The following ADARB1 variants were observed in gnomAD, a reference collection of about 807,000 sequenced individuals.
ADARB1 encodes the protein adenosine deaminase RNA specific B1.
Under a neutral mutation model 52.4 loss-of-function variants are expected in ADARB1, and 10 were observed. That is an observed-to-expected ratio of 0.19 (90% confidence interval 0.12 to 0.32). The LOEUF is 0.32. ADARB1 is among the 10% of genes least tolerant of loss of function. The pLI is 1.00. For missense variants in ADARB1, 643 were observed against 922.3 expected, an observed-to-expected ratio of 0.70 and a Z score of 3.92; for synonymous variants, 349 against 371.1, an observed-to-expected ratio of 0.94 and a Z score of 0.68.
At chr21:45,122,642 CG>C in intron 1 of ADARB1, among the ~76,000 whole-genome samples, 1 of 152,282 alleles carries the variant, frequency 6.6e-6, no homozygotes, top group Admixed American at 6.5e-5. Context: ...AGGTGGGAGA[CG>C]TGCAGAGCTG....
chr21:45,163,841 TC>T (rs2091109327), intron 2 of ADARB1, among the ~76,000 whole-genome samples: 1 of 152,134 alleles, frequency 6.6e-6, no homozygotes, highest in South Asian at 2.1e-4. Flanking sequence ...GCCACGCTTG[TC>T]CCCATGCTTG....
intron 2 of ADARB1, among the ~76,000 whole-genome samples, chr21:45,144,207 G>T (rs2089894530): frequency 6.6e-6 from 1 of 152,250 alleles, no homozygotes; most frequent in Admixed American, 6.5e-5. Context: ...AGAGATTTTA[G>T]AATTCTAATA....
rs150086145 is a variant in ADARB1 at position 45,116,847 on chromosome 21, C to A, written c.-219-11555C>A. ...CAGCACGTGGGGATTATGGGAACTA[C>A]AATTGAAGATGAGATTTGAGTGGGG... On this transcript the variant is annotated intron_variant, in intron 1 of 10. Transcript: ENST00000348831. 3.9e-5 allele frequency: 6 copies of A among 152,268 alleles called. No homozygotes were observed. In the East Asian group the frequency reaches 1.2e-3, roughly 29 times the overall value. 9.4% of individuals were successfully genotyped at this position (152,268 alleles called of 1,614,324 possible). A position where few individuals can be genotyped will look rare whatever the true frequency, so the allele number is the denominator to read the frequency against.
chr21:45,209,116 A>G (rs531841058), intron 9 of ADARB1, among the ~76,000 whole-genome samples: 2 of 152,332 alleles, frequency 1.3e-5, no homozygotes, highest in East Asian at 3.9e-4. Flanking sequence ...TAATATTTGT[A>G]AAGATCCAAA....
At chr21:45,109,272 G>A (rs1010461934) in intron 1 of ADARB1, among the ~76,000 whole-genome samples, 14 of 149,632 alleles carry the variant, frequency 9.4e-5, no homozygotes, top group African/African-American at 2.2e-4. Context: ...TGTGCACTGC[G>A]CGCGTGTGCG....
At chr21:45,121,852 T>C (rs2088210900) in intron 1 of ADARB1, among the ~76,000 whole-genome samples, 1 of 152,230 alleles carries the variant, frequency 6.6e-6, no homozygotes, top group Non-Finnish European at 1.5e-5. Flanking sequence ...GTATATGGTG[T>C]GTTTGACTTT....
At chr21:45,214,632 G>C (rs577423801) in intron 9 of ADARB1, among the ~76,000 whole-genome samples, 4 of 152,146 alleles carry the variant, frequency 2.6e-5, no homozygotes, top group Non-Finnish European at 5.9e-5. Flanking sequence ...TTAGTGAAAG[G>C]TTCCTCATTT....
chr21:45,163,101 T>C (rs453176), intron 2 of ADARB1, among the ~76,000 whole-genome samples: 147,439 of 152,360 alleles, frequency 0.97, 71,370 homozygotes, highest in East Asian at 1. Flanking sequence ...TAGAAGAGGA[T>C]GCTAATAGCT....
At chr21:45,202,593 C>G (rs2092578725) in intron 8 of ADARB1, among the ~76,000 whole-genome samples, 1 of 152,162 alleles carries the variant, frequency 6.6e-6, no homozygotes, top group African/African-American at 2.4e-5. Context: ...GCGTCAGCCT[C>G]CTCCAGTCTC....
intron 2 of ADARB1, among the ~76,000 whole-genome samples, chr21:45,134,406 G>A (rs1328895996): frequency 6.6e-6 from 1 of 150,794 alleles, no homozygotes; most frequent in Non-Finnish European, 1.5e-5. Flanking sequence ...GTGTGTGCCC[G>A]ACAGTGGTGT....
rs751320353 is a variant in ADARB1 at position 45,220,909 on chromosome 21, C to G, written c.1821C>G (p.Ser607=). Reference sequence around the variant, plus strand: ...GTGTCAACTGGACGGTAGGCGACTCCGCTATTGAGGTCATCAACGCCACGA... The same window carrying G: ...GTGTCAACTGGACGGTAGGCGACTCGGCTATTGAGGTCATCAACGCCACGA... ...NFSVNWTVGD[S]AIEVINATTG... Residue 607 remains serine, a synonymous_variant, in exon 10 of 11, where the codon TCC becomes TCG. Transcript: ENST00000348831. The surrounding 1 kb of genome is among the most constrained non-coding windows in gnomAD (Gnocchi z 6.3). The G allele has an allele frequency of 6.2e-7, 1 of 1,613,468 alleles. No homozygotes were observed. The highest frequency in any genetic ancestry group is 2.2e-5 in the East Asian group (1 of 44,888).
At chr21:45,184,141 G>A (rs957260587) in intron 7 of ADARB1, among the ~76,000 whole-genome samples, 5 of 152,054 alleles carry the variant, frequency 3.3e-5, no homozygotes, top group African/African-American at 7.2e-5. Context: ...AAAATCATCC[G>A]TATTCCTGTA....
In ADARB1 at chr21:45,129,752, G is replaced by A. The variant is rs963846657; in HGVS notation, c.-48+1179G>A. Among the ~76,000 whole-genome samples, 5 of 152,216 alleles carry A rather than the reference G, an allele frequency of 3.3e-5. No homozygotes were observed. The South Asian group carries it at 6.2e-4, about 19-fold the overall frequency. On this transcript the variant is annotated intron_variant, in intron 2 of 10. Coordinates refer to ENST00000348831, the MANE Select transcript of ADARB1 (RefSeq NM_001112.4). ...AGGGGGCGGTCACCAGGGCGTGAGCGTGGATGGATGAGAGTGGCTGGGAGC... is the reference window on the plus strand; with the variant it reads ...AGGGGGCGGTCACCAGGGCGTGAGCATGGATGGATGAGAGTGGCTGGGAGC...
At chr21:45,159,424 G>A (rs2090845303) in intron 2 of ADARB1, among the ~76,000 whole-genome samples, 1 of 152,154 alleles carries the variant, frequency 6.6e-6, no homozygotes, top group African/African-American at 2.4e-5. Flanking sequence ...GATTTGGGTG[G>A]GGACACAGCC....
intron 8 of ADARB1, among the ~76,000 whole-genome samples, chr21:45,197,612 A>C (rs575397151): frequency 6.4e-4 from 98 of 152,360 alleles, no homozygotes; most frequent in African/African-American, 2.3e-3. Flanking sequence ...TTGTAAATGA[A>C]TGTTTGTAGG....
intron 3 of ADARB1, 116 bp from the exon 4 acceptor site, chr21:45,175,614 T>C: frequency 1.9e-6 from 2 of 1,061,582 alleles, no homozygotes; most frequent in African/African-American, 1.6e-5. Flanking sequence ...AGGAATAAAA[T>C]TTATAAGCAC....
At chr21:45,140,546 A>G (rs1484497162) in intron 2 of ADARB1, among the ~76,000 whole-genome samples, 2 of 152,134 alleles carry the variant, frequency 1.3e-5, no homozygotes, top group Non-Finnish European at 1.5e-5. Context: ...GGCCGCTTCT[A>G]AGACTCAGTG....
chr21:45,164,792 G>A (rs1441698577), intron 2 of ADARB1, among the ~76,000 whole-genome samples: 2 of 152,244 alleles, frequency 1.3e-5, no homozygotes, highest in African/African-American at 4.8e-5. Flanking sequence ...AGGCAGAGAG[G>A]CTCCTGCACA....
chr21:45,185,029 G>A lies in ADARB1; in HGVS notation c.1503G>A (p.Thr501=), dbSNP rs151225586. ...TGCGCTCCAATGCGAGCATCCAAACGTGGGACGGGGTGCTGCAAGGGGAGC... is the reference window on the plus strand; with the variant it reads ...TGCGCTCCAATGCGAGCATCCAAACATGGGACGGGGTGCTGCAAGGGGAGC... ...IPVRSNASIQ[T]WDGVLQGERL... Residue 501 remains threonine, a synonymous_variant, in exon 8 of 11, where the codon ACG becomes ACA. Transcript: ENST00000348831. 26 of 1,614,210 alleles carry A rather than the reference G, an allele frequency of 1.6e-5. 1 individual carries two copies. In the South Asian group the frequency reaches 1.6e-4, roughly 10 times the overall value.
Sources: allele counts gnomAD v4.1 joint callset (sites outside exome capture counted in the v4.1 genomes callset), GRCh38; gene constraint gnomAD v4.1.1; non-coding constraint Gnocchi (gnomAD v3.1); transcripts MANE v1.5; gene names NCBI Gene and HGNC (gene_info 2026-07-23, HGNC 2026-07-21).